Variants in CBARP observed in about 807,000 individuals in gnomAD.
CBARP encodes the protein CACN subunit beta associated regulatory protein.
Under a neutral mutation model 36.3 loss-of-function variants are expected in CBARP, and 24 were observed. The ratio of observed to expected loss-of-function variants is 0.66; its 90% CI spans 0.48 to 0.93. The LOEUF is 0.93. Among genes scored for constraint, CBARP ranks in the 40% least tolerant of loss-of-function variants. The probability of loss-of-function intolerance (pLI) is 0.00; values close to 1 mark genes in which losing one functional copy is unlikely to be tolerated. For synonymous variants in CBARP, 586 were observed against 453.2 expected, an observed-to-expected ratio of 1.29 and a Z score of -3.72; for missense variants, 1,146 against 980.4, an observed-to-expected ratio of 1.17 and a Z score of -2.26.
At chr19:1,234,139 G>A (rs2080929868) in intron 7 of CBARP, 52 bp downstream of exon 7, 24 of 1,439,688 alleles carry the variant, frequency 1.7e-5, no homozygotes, top group East Asian at 2.6e-5. Flanking sequence ...ACAGGGAGGG[G>A]AAGGAGCCTC....
chr19:1,231,503 A>G (rs1300540738), intron 8 of CBARP, among the ~76,000 whole-genome samples: 1 of 74,082 alleles, frequency 1.3e-5, no homozygotes, highest in Non-Finnish European at 2.5e-5. Flanking sequence ...ACACACACAT[A>G]GAACGCCTGT....
chr19:1,236,851 T>TA (rs1568751199), intron 1 of CBARP, among the ~76,000 whole-genome samples: 1 of 16,906 alleles, frequency 5.9e-5, no homozygotes, highest in Non-Finnish European at 1.4e-4. Flanking sequence ...GGCGGCGGCC[T>TA]GGGGGGGGGC....
At position 1,233,563 on chromosome 19, in the gene CBARP, C is replaced by G; in HGVS notation, c.842G>C (p.Gly281Ala). 3 of 1,609,336 alleles carry G rather than the reference C, an allele frequency of 1.9e-6. No individual in the cohort carries two copies. Among genetic ancestry groups the G allele is most frequent in the Non-Finnish European group, 2.5e-6 (3 of 1,178,624 alleles). Residue 281 changes from glycine to alanine, a missense_variant, in exon 8 of 10, where the codon GGA becomes GCA. By Grantham distance (60) the Gly-to-Ala change is moderately conservative. Transcript: ENST00000650044. The part of the protein sequence containing the change: ...AAAGPGEAGP[G>A]SGAGTVLQFL... ...CTGCAGAACGGTACCTGCCCCGGAT[C>G]CCGGGCCCGCCTCCCCAGGCCCTGC...
chr19:1,234,209 G>A lies in CBARP; in HGVS notation c.750C>T (p.Asp250=). Residue 250 remains aspartate (D), a synonymous_variant, in exon 7 of 10, where the codon GAC becomes GAT. Transcript: ENST00000650044. The part of the protein sequence containing the change: ...FAEISPSASS[D]SGEGTSLDAG... ...CCCTCACCGAGGTGCCTTCCCCAGA[G>A]TCGCTAGATGCCGAGGGGCTGATCT... 1.3e-6 allele frequency: 2 copies of A among 1,524,210 alleles called. No individual in the cohort carries two copies. The highest frequency in any genetic ancestry group is 1.8e-4 in the Middle Eastern group (1 of 5,706). The allele number at this position is 1,524,210 out of a possible 1,614,324, so 94.4% of individuals were successfully genotyped here.
rs1195406150 is a variant in CBARP, at chr19:1,228,480, C to G, written c.*699G>C. 1 of 197,656 alleles carries G rather than the reference C, an allele frequency of 5.1e-6. No individual in the cohort carries two copies. The highest frequency in any genetic ancestry group is 1.0e-5 in the Non-Finnish European group (1 of 95,260). 12.2% of individuals were successfully genotyped at this position (197,656 alleles called of 1,614,324 possible). A position where few individuals can be genotyped will look rare whatever the true frequency, so the allele number is the denominator to read the frequency against. On this transcript the variant is annotated 3_prime_UTR_variant, in exon 10 of 10. Transcript: ENST00000650044. ...CGTCTCAACGTGGATGGGGCGGCAG[C>G]GGGGCGGGCGCCGTTGACATGCGGA...
rs1182329795 is a variant in CBARP at position 1,235,027 on chromosome 19, G to A, written c.429C>T (p.Ser143=). The change falls in exon 5 of 10, where the codon AGC becomes AGT. Residue 143 remains serine (S), a synonymous_variant. Coordinates refer to ENST00000650044, the MANE Select transcript of CBARP (RefSeq NM_001393918.1). ...SFNEAALFEQ[S]RKTQDKGRRY... ...GGCGACCCTTGTCCTGCGTCTTGCG[G>A]CTCTGCTCAAACAGCGCCGCCTCAT... 2.5e-6 allele frequency: 4 copies of A among 1,610,126 alleles called. No homozygotes were observed. The highest frequency in any genetic ancestry group is 3.4e-6 in the Non-Finnish European group (4 of 1,178,396).
chr19:1,233,143 C>G (rs915244657), intron 8 of CBARP, among the ~76,000 whole-genome samples: 1 of 152,242 alleles, frequency 6.6e-6, no homozygotes, highest in African/African-American at 2.4e-5. Flanking sequence ...CCACCTCATC[C>G]TGGATGCCCC....
chr19:1,236,135 G>A lies in CBARP; in HGVS notation c.-21-14C>T, dbSNP rs760622232. Reference sequence around the variant, plus strand: ...GGGAGGAGGGCCCTGTGGGGAGGAAGCCTGGTCAGCTCCAGCTAGACCTAC... The same window carrying A: ...GGGAGGAGGGCCCTGTGGGGAGGAAACCTGGTCAGCTCCAGCTAGACCTAC... On this transcript the variant is annotated splice_polypyrimidine_tract_variant and intron_variant, in intron 1 of 9. Coordinates refer to ENST00000650044, the MANE Select transcript of CBARP (RefSeq NM_001393918.1). The A allele has an allele frequency of 5.7e-6, 8 of 1,409,562 alleles. No individual in the cohort carries two copies. The African/African-American group carries it at 8.8e-5, about 16-fold the overall frequency. 87.3% of individuals were successfully genotyped at this position (1,409,562 alleles called of 1,614,324 possible). A position where few individuals can be genotyped will look rare whatever the true frequency, so the allele number is the denominator to read the frequency against.
intron 8 of CBARP, among the ~76,000 whole-genome samples, chr19:1,232,730 T>C (rs1385862108): frequency 6.6e-6 from 1 of 152,240 alleles, no homozygotes; most frequent in African/African-American, 2.4e-5. Flanking sequence ...CCCCGGAGCT[T>C]CGGTAAGTTT....
chr19:1,229,451 AGGG>A lies in CBARP; in HGVS notation c.1843_1845del (p.Pro615del), dbSNP rs2080860889. The A allele has an allele frequency of 2.0e-6, 2 of 981,434 alleles. No homozygotes were observed. The highest frequency in any genetic ancestry group is 2.4e-6 in the Non-Finnish European group (2 of 829,304). The allele number at this position is 981,434 out of a possible 1,614,324, so 60.8% of individuals were successfully genotyped here. A position where few individuals can be genotyped will look rare whatever the true frequency, so the allele number is the denominator to read the frequency against. On this transcript the variant is annotated inframe_deletion, in exon 10 of 10. Transcript: ENST00000650044. This position sits in a 1 kb window ranked among gnomAD's most constrained non-coding sequence, Gnocchi z 5.1. ...CCGTCCACGCTGTCGCCGCGCCGCA[AGGG>A]CGCACGCGCGGGTCGGGCCGCGCCG...
In CBARP at chr19:1,235,181, G is replaced by A. The variant is rs759117006; in HGVS notation, c.311-36C>T. The stretch of plus-strand genomic sequence containing the variant: ...AGGCAGGAGAGGGTGGGCCCCGGGC[G>A]GGCCACGCCAGGCGCCTGGTCCCGG... On this transcript the variant is annotated intron_variant, in intron 4 of 9. Coordinates refer to ENST00000650044, the MANE Select transcript of CBARP (RefSeq NM_001393918.1). 21 of 1,490,230 alleles carry A rather than the reference G, an allele frequency of 1.4e-5. No homozygotes were observed. The Admixed American group carries it at 2.2e-4, about 16-fold the overall frequency. 92.3% of individuals were successfully genotyped at this position (1,490,230 alleles called of 1,614,324 possible). A position where few individuals can be genotyped will look rare whatever the true frequency, so the allele number is the denominator to read the frequency against.
At chr19:1,230,198 C>T in intron 9 of CBARP, 56 bp from the exon 10 acceptor site, 13 of 995,160 alleles carry the variant, frequency 1.3e-5, no homozygotes, top group Non-Finnish European at 1.4e-5. Context: ...CCCTACCCGG[C>T]CGGCCATCCC....
chr19:1,234,938 C>T, intron 5 of CBARP, 63 bp downstream of exon 5: 2 of 1,551,358 alleles, frequency 1.3e-6, no homozygotes, highest in East Asian at 2.3e-5. Context: ...CAGCTCCTCC[C>T]CCGTCCCGGC....
rs1392703316 is a variant in CBARP at position 1,229,154 on chromosome 19, G to A, written c.*25C>T. ...CCGTGCGGCGCCGGAGAAGCTGCCA[G>A]AGAGATGGGCCCAGGACGCGGGACT... On this transcript the variant is annotated 3_prime_UTR_variant, in exon 10 of 10. Coordinates refer to ENST00000650044, the MANE Select transcript of CBARP (RefSeq NM_001393918.1). The surrounding 1 kb of genome is among the most constrained non-coding windows in gnomAD (Gnocchi z 5.1). 8 of 1,007,526 alleles carry A rather than the reference G, an allele frequency of 7.9e-6. No individual in the cohort carries two copies. Among genetic ancestry groups the A allele is most frequent in the Non-Finnish European group, 9.7e-6 (8 of 821,098 alleles). 62.4% of individuals were successfully genotyped at this position (1,007,526 alleles called of 1,614,324 possible).
At chr19:1,233,394 G>A in intron 8 of CBARP, 32 bp downstream of exon 8, 1 of 1,538,240 alleles carries the variant, frequency 6.5e-7, no homozygotes, top group Non-Finnish European at 8.8e-7. Flanking sequence ...CAGCCCACAG[G>A]GGCCCACTCT....
In CBARP at chr19:1,235,631, C is replaced by T. The variant is rs1333959324; in HGVS notation, c.246-66G>A. The T allele has an allele frequency of 5.0e-6, 8 of 1,585,120 alleles. No individual in the cohort carries two copies. The East Asian group carries it at 1.9e-4, about 37-fold the overall frequency. On this transcript the variant is annotated intron_variant, in intron 3 of 9. Coordinates refer to ENST00000650044, the MANE Select transcript of CBARP (RefSeq NM_001393918.1). The stretch of plus-strand genomic sequence containing the variant: ...CAGATAGCCACAGTGGGTCTCGGCT[C>T]TTTGCCCCAAGCCAAGCCCTGCGCA...
intron 1 of CBARP, among the ~76,000 whole-genome samples, chr19:1,236,420 C>T (rs1219522213): frequency 6.6e-6 from 1 of 152,184 alleles, no homozygotes; most frequent in African/African-American, 2.4e-5. Context: ...TGCAAGGTAG[C>T]GCCAGGCCCT....
Position 1,229,277 on chromosome 19 carries a change from C to T in CBARP, c.2020G>A (p.Asp674Asn), listed in dbSNP as rs1288792640. The change falls in exon 10 of 10, where the codon GAC becomes AAC. Residue 674 changes from aspartate to asparagine, a missense_variant. Physicochemically the swap from Asp to Asn is conservative, Grantham distance 23. Transcript: ENST00000650044. The surrounding 1 kb of genome is among the most constrained non-coding windows in gnomAD (Gnocchi z 5.1). ...AGGCGCGGCGGAAAGAGTCTCTCGT[C>T]GAGGCCAGCCGCCAGCTTGTCCAGC... ...SVLDKLAAGL[D>N]ERLFPPRLAE... 3.2e-6 allele frequency: 4 copies of T among 1,254,906 alleles called. No individual in the cohort carries two copies. The highest frequency in any genetic ancestry group is 2.2e-4 in the Middle Eastern group (1 of 4,490). 77.7% of individuals were successfully genotyped at this position (1,254,906 alleles called of 1,614,324 possible). A position where few individuals can be genotyped will look rare whatever the true frequency, so the allele number is the denominator to read the frequency against.
rs768997012 is a variant in CBARP, at chr19:1,229,229, G to A, written c.2068C>T (p.Pro690Ser). 1.9e-4 allele frequency: 233 copies of A among 1,232,314 alleles called. No homozygotes were observed. The highest frequency in any genetic ancestry group is 4.8e-4 in the Middle Eastern group (2 of 4,126). 76.3% of individuals were successfully genotyped at this position (1,232,314 alleles called of 1,614,324 possible). Residue 690 changes from proline (P) to serine (S), a missense_variant, in exon 10 of 10, where the codon CCC becomes TCC. Pro to Ser is a moderately conservative substitution (Grantham distance 74). Coordinates refer to ENST00000650044, the MANE Select transcript of CBARP (RefSeq NM_001393918.1). The surrounding 1 kb of genome is among the most constrained non-coding windows in gnomAD (Gnocchi z 5.1). Reference protein sequence around the residue: ...PRLAEPVVATPALVAAAPTSP... With the variant: ...PRLAEPVVATSALVAAAPTSP... ...GTGGGGGCGGCGGCGACCAACGCGG[G>A]AGTCGCCACGACGGGCTCGGCGAGG...
Sources: gnomAD v4.1 joint callset for allele counts (sites outside exome capture counted in the v4.1 genomes callset) on GRCh38, gnomAD v4.1.1 for gene constraint, Gnocchi (gnomAD v3.1) non-coding constraint, MANE v1.5 for transcripts, NCBI Gene and HGNC (gene_info 2026-07-23, HGNC 2026-07-21) for gene names.